The following CENPE variants were observed in gnomAD, a reference collection of about 807,000 sequenced individuals.
CENPE encodes the protein centromere protein E, also known as centromere-associated protein E.
In CENPE, 145 loss-of-function variants were observed where a neutral mutation model predicts 336.1. That is an observed-to-expected ratio of 0.43 (90% confidence interval 0.38 to 0.50). The LOEUF is 0.50. Among genes scored for constraint, CENPE ranks in the 20% least tolerant of loss-of-function variants. The pLI, the probability that CENPE is intolerant of heterozygous loss-of-function variation, is 0.00. For missense variants in CENPE, 2,719 were observed against 3,023.3 expected, an observed-to-expected ratio of 0.90 and a Z score of 2.36; for synonymous variants, 1,013 against 984.8, an observed-to-expected ratio of 1.03 and a Z score of -0.54.
intron 5 of CENPE, 116 bp downstream of exon 5, chr4:103,194,998 A>T: frequency 1.1e-6 from 1 of 918,770 alleles, no homozygotes; most frequent in Non-Finnish European, 1.6e-6. Flanking sequence ...AAAAACCCTC[A>T]CATACTATAG....
At chr4:103,134,563 G>A (rs887428873) in intron 40 of CENPE, among the ~76,000 whole-genome samples, 10 of 147,324 alleles carry the variant, frequency 6.8e-5, no homozygotes, top group Admixed American at 6.1e-4. Flanking sequence ...AACCCGGGAG[G>A]CGGAGCTTGC....
chr4:103,165,563 A>G (rs1363102426), intron 16 of CENPE, among the ~76,000 whole-genome samples: 1 of 152,220 alleles, frequency 6.6e-6, no homozygotes, highest in African/African-American at 2.4e-5. Context: ...AGGTTTTGGA[A>G]CATATTTTGC....
chr4:103,112,791 T>C (rs1386390510), intron 46 of CENPE, among the ~76,000 whole-genome samples: 13 of 67,202 alleles, frequency 1.9e-4, no homozygotes, highest in African/African-American at 8.6e-4. Flanking sequence ...TGTATATATA[T>C]ACTTATAAGT....
intron 15 of CENPE, 30 bp downstream of exon 15, chr4:103,175,930 C>T: frequency 7.6e-7 from 1 of 1,313,848 alleles, no homozygotes; most frequent in Non-Finnish European, 1.1e-6. Context: ...AGAGTAAAAG[C>T]ATTATATGCT....
intron 16 of CENPE, among the ~76,000 whole-genome samples, chr4:103,165,026 T>G (rs921955687): frequency 1.3e-5 from 2 of 152,224 alleles, no homozygotes. Context: ...AAAATTTTCC[T>G]ACTTCTTATT....
At chr4:103,175,388 G>T (rs1755772405) in intron 15 of CENPE, among the ~76,000 whole-genome samples, 1 of 151,620 alleles carries the variant, frequency 6.6e-6, no homozygotes, top group Non-Finnish European at 1.5e-5. Context: ...AAAAACCCAA[G>T]AAACTTCTAA....
chr4:103,155,132 C>T (rs1177109248), intron 24 of CENPE, among the ~76,000 whole-genome samples: 1 of 152,174 alleles, frequency 6.6e-6, no homozygotes, highest in Non-Finnish European at 1.5e-5. Context: ...ATGACTCCAG[C>T]ATATACTTGG....
At chr4:103,142,112 T>C (rs1278950561) in intron 34 of CENPE, among the ~76,000 whole-genome samples, 1 of 152,198 alleles carries the variant, frequency 6.6e-6, no homozygotes, top group Admixed American at 6.5e-5. Context: ...ATTACACATA[T>C]ATTACTTTTT....
chr4:103,167,433 T>C (rs1395218269), intron 16 of CENPE, among the ~76,000 whole-genome samples: 1 of 152,130 alleles, frequency 6.6e-6, no homozygotes, highest in Non-Finnish European at 1.5e-5. Flanking sequence ...AAAATATAAA[T>C]GAAGAAAATA....
intron 46 of CENPE, among the ~76,000 whole-genome samples, chr4:103,114,067 G>A (rs551876597): frequency 6.6e-6 from 1 of 151,994 alleles, no homozygotes; most frequent in African/African-American, 2.4e-5. Context: ...TATTTTTACT[G>A]TACACCAATT....
At chr4:103,185,091 G>A (rs6839962) in intron 9 of CENPE, among the ~76,000 whole-genome samples, 4,510 of 152,114 alleles carry the variant, frequency 0.03, 219 homozygotes, top group African/African-American at 0.1. Flanking sequence ...GGTCACTTGA[G>A]GCCAAGAGTT....
intron 45 of CENPE, among the ~76,000 whole-genome samples, chr4:103,116,094 T>C (rs1750086480): frequency 6.6e-6 from 1 of 152,204 alleles, no homozygotes; most frequent in Non-Finnish European, 1.5e-5. Flanking sequence ...TGCTGTTATG[T>C]ATAATGCTAC....
At chr4:103,161,962 G>A (rs1754479299) in intron 18 of CENPE, among the ~76,000 whole-genome samples, 1 of 152,052 alleles carries the variant, frequency 6.6e-6, no homozygotes, top group African/African-American at 2.4e-5. Flanking sequence ...CATTTCTAAA[G>A]AGAAGTGGCA....
chr4:103,137,545 T>C (rs1054156154), intron 39 of CENPE, among the ~76,000 whole-genome samples: 3 of 152,174 alleles, frequency 2.0e-5, no homozygotes, highest in Non-Finnish European at 2.9e-5. Context: ...TTAGGATGAA[T>C]CAACTACGGT....
chr4:103,188,181 C>A (rs1325981529), intron 8 of CENPE, among the ~76,000 whole-genome samples: 8 of 152,066 alleles, frequency 5.3e-5, no homozygotes, highest in Admixed American at 2.6e-4. Flanking sequence ...CTTAGACTCC[C>A]ACACAATAAT....
At position 103,145,033 on chromosome 4, in the gene CENPE, A is replaced by T; in HGVS notation, c.4857+17T>A. The T allele has an allele frequency of 6.8e-7, 1 of 1,477,788 alleles. No homozygotes were observed. 91.5% of individuals were successfully genotyped at this position (1,477,788 alleles called of 1,614,324 possible). A position where few individuals can be genotyped will look rare whatever the true frequency, so the allele number is the denominator to read the frequency against. On this transcript the variant is annotated intron_variant, in intron 32 of 48. Transcript: ENST00000265148. Reference sequence around the variant, plus strand: ...ATTTCTGTATCCAAAAAAAAAAAAAATAAGATGGGAACTTACTTTAGCTAC... The same window carrying T: ...ATTTCTGTATCCAAAAAAAAAAAAATTAAGATGGGAACTTACTTTAGCTAC...
chr4:103,118,284 A>G (rs987839917), intron 44 of CENPE, among the ~76,000 whole-genome samples: 12 of 152,232 alleles, frequency 7.9e-5, no homozygotes, highest in Admixed American at 4.6e-4. Flanking sequence ...GTAATGGTCG[A>G]TTATTTTAAT....
intron 28 of CENPE, 57 bp downstream of exon 28, chr4:103,148,787 C>T: frequency 6.6e-7 from 1 of 1,505,836 alleles, no homozygotes; most frequent in South Asian, 1.2e-5. Flanking sequence ...CTTATCTTTC[C>T]TTCAAAGGAG....
Position 103,194,585 on chromosome 4 carries a change from T to C in CENPE, c.559+18A>G. On this transcript the variant is annotated intron_variant, in intron 6 of 48. Transcript: ENST00000265148. ...AGTTTTTACAAGTGTTCTAAAGAAA[T>C]ACAGCATAAAGTCTTACTTTCTCCC... 6.3e-7 allele frequency: 1 copy of C among 1,580,844 alleles called. No individual in the cohort carries two copies. Among genetic ancestry groups the C allele is most frequent in the Non-Finnish European group, 8.6e-7 (1 of 1,159,570 alleles).
Sources: allele counts gnomAD v4.1 joint callset (sites outside exome capture counted in the v4.1 genomes callset), GRCh38; gene constraint gnomAD v4.1.1; transcripts MANE v1.5; gene names NCBI Gene and HGNC (gene_info 2026-07-23, HGNC 2026-07-21).